GNB1: variants seen among roughly 807,000 people sequenced by gnomAD.
GNB1 encodes guanine nucleotide-binding protein G(I)/G(S)/G(T) subunit beta-1.
A neutral mutation model predicts 42.9 loss-of-function variants in GNB1; 2 were observed. The observed-to-expected ratio is 0.05, with a 90% CI of 0.02 to 0.15. The LOEUF is 0.15. GNB1 is among the 10% of genes least tolerant of loss of function. The pLI is 1.00. For missense variants in GNB1, 193 were observed against 462.2 expected (o/e 0.42, Z 5.34); for synonymous variants, 183 against 174.7 (o/e 1.05, Z -0.38).
intron 9 of GNB1, 79 bp from the exon 10 acceptor site, chr1:1,789,348 G>C (rs1354145357): frequency 3.1e-5 from 25 of 805,224 alleles, no homozygotes; most frequent in Non-Finnish European, 3.8e-5. Flanking sequence ...TCAATGGTAG[G>C]GCTGCAGAGA....
At chr1:1,850,217 G>A (rs1279938237) in intron 1 of GNB1, among the ~76,000 whole-genome samples, 2 of 151,454 alleles carry the variant, frequency 1.3e-5, no homozygotes, top group African/African-American at 4.9e-5. Flanking sequence ...CACAACCTCC[G>A]CCTCCCAGGT....
intron 1 of GNB1, among the ~76,000 whole-genome samples, chr1:1,876,513 G>C (rs905438514): frequency 1.3e-5 from 2 of 150,276 alleles, no homozygotes; most frequent in African/African-American, 2.4e-5. Flanking sequence ...GAGAGAGAGA[G>C]AGCGAGCGTG....
At chr1:1,866,626 T>A (rs1353604704) in intron 1 of GNB1, among the ~76,000 whole-genome samples, 2 of 113,800 alleles carry the variant, frequency 1.8e-5, no homozygotes, top group East Asian at 2.6e-4. Context: ...TAGTAATAGC[T>A]GATGAGCTTA....
chr1:1,867,777 T>C (rs1183680193), intron 1 of GNB1, among the ~76,000 whole-genome samples: 1 of 152,228 alleles, frequency 6.6e-6, no homozygotes, highest in Non-Finnish European at 1.5e-5. Flanking sequence ...TATCTTTTCA[T>C]AGCTTATAGC....
At chr1:1,844,745 A>G (rs546585540) in intron 1 of GNB1, among the ~76,000 whole-genome samples, 1 of 152,338 alleles carries the variant, frequency 6.6e-6, no homozygotes, top group Non-Finnish European at 1.5e-5. Flanking sequence ...CATTAGGCAG[A>G]CTTTCTCACA....
At chr1:1,838,914 T>C (rs1647186286) in intron 2 of GNB1, among the ~76,000 whole-genome samples, 1 of 152,180 alleles carries the variant, frequency 6.6e-6, no homozygotes, top group Non-Finnish European at 1.5e-5. Flanking sequence ...TCAAATTGTT[T>C]TGAAAACCAA....
chr1:1,844,946 C>G (rs1335046201), intron 1 of GNB1, among the ~76,000 whole-genome samples: 1 of 152,172 alleles, frequency 6.6e-6, no homozygotes, highest in Non-Finnish European at 1.5e-5. Context: ...AAAGTAAACT[C>G]CCTTCCAAAT....
At chr1:1,807,486 A>AC (rs1646716613) in intron 5 of GNB1, among the ~76,000 whole-genome samples, 1 of 147,560 alleles carries the variant, frequency 6.8e-6, no homozygotes, top group African/African-American at 2.5e-5. Flanking sequence ...AAAAAAAAAA[A>AC]AAAAAAACAA....
At position 1,788,782 on chromosome 1, in the gene GNB1, G is replaced by C. The variant is rs180910264; in HGVS notation, c.916+271C>G. ...TTCAGAGGGGAAAGCACGGGGCTGG[G>C]CCCTGGAGCCTGCACAGCTGACCCT... On this transcript the variant is annotated intron_variant, in intron 10 of 11. Transcript: ENST00000378609. 1,153 of 421,078 alleles carry C rather than the reference G, an allele frequency of 2.7e-3. 4 individuals are homozygous for C. The highest frequency in any genetic ancestry group is 0.012 in the African/African-American group (632 of 50,582). The allele number at this position is 421,078 out of a possible 1,614,324, so 26.1% of individuals were successfully genotyped here. A position where few individuals can be genotyped will look rare whatever the true frequency, so the allele number is the denominator to read the frequency against.
intron 1 of GNB1, among the ~76,000 whole-genome samples, chr1:1,845,824 T>TACAC (rs55953457): frequency 0.039 from 5,443 of 140,150 alleles, 184 homozygotes; most frequent in South Asian, 0.081. Flanking sequence ...TGTAAGTCCA[T>TACAC]ACACACACAC....
At chr1:1,887,777 G>A (rs1420923484) in intron 1 of GNB1, among the ~76,000 whole-genome samples, 4 of 152,002 alleles carry the variant, frequency 2.6e-5, no homozygotes, top group Admixed American at 1.3e-4. Flanking sequence ...CACCACGCCG[G>A]CTAATTTTAA....
chr1:1,867,333 A>C (rs375325718), intron 1 of GNB1, among the ~76,000 whole-genome samples: 1 of 152,202 alleles, frequency 6.6e-6, no homozygotes, highest in Non-Finnish European at 1.5e-5. Context: ...CTCAGGTTGG[A>C]CAAGCATGAC....
At chr1:1,856,031 C>T (rs1557931884) in intron 1 of GNB1, among the ~76,000 whole-genome samples, 2 of 152,310 alleles carry the variant, frequency 1.3e-5, no homozygotes, top group Non-Finnish European at 2.9e-5. Context: ...CTTTCTTCTT[C>T]TTCTTTAAGA....
At chr1:1,857,924 T>C (rs879891505) in intron 1 of GNB1, among the ~76,000 whole-genome samples, 1 of 152,168 alleles carries the variant, frequency 6.6e-6, no homozygotes, top group Non-Finnish European at 1.5e-5. Context: ...TATGGGAATG[T>C]GGTCTCTCTC....
intron 1 of GNB1, among the ~76,000 whole-genome samples, chr1:1,888,168 G>A (rs948554229): frequency 3.3e-5 from 5 of 152,142 alleles, no homozygotes; most frequent in Non-Finnish European, 7.3e-5. Context: ...ATAGCTTTTG[G>A]CCAGTGGATG....
chr1:1,856,223 C>T (rs1648290338), intron 1 of GNB1, among the ~76,000 whole-genome samples: 1 of 152,170 alleles, frequency 6.6e-6, no homozygotes, highest in South Asian at 2.1e-4. Context: ...GGTCTCGCTA[C>T]ATTGCCCAGG....
chr1:1,810,378 T>A (rs1646758932), intron 5 of GNB1, among the ~76,000 whole-genome samples: 1 of 151,712 alleles, frequency 6.6e-6, no homozygotes, highest in African/African-American at 2.4e-5. Flanking sequence ...AAAAAATATT[T>A]TTTAAAAATT....
rs768790682 is a variant in GNB1, at chr1:1,804,531, G to T, written c.318C>A (p.Ala106=). ...RSSWVMTCAY[A]PSGNYVACGG... ...CGCAGGCCACATAGTTCCCAGAAGGGGCATATGCACAGGTCATGACCCAGG... is the reference window on the plus strand; with the variant it reads ...CGCAGGCCACATAGTTCCCAGAAGGTGCATATGCACAGGTCATGACCCAGG... The change falls in exon 7 of 12, where the codon GCC becomes GCA. Residue 106 remains alanine (A), a synonymous_variant. Coordinates refer to ENST00000378609, the MANE Select transcript of GNB1 (RefSeq NM_002074.5). 3 of 1,613,596 alleles carry T rather than the reference G, an allele frequency of 1.9e-6. No individual in the cohort carries two copies. Among genetic ancestry groups the T allele is most frequent in the Non-Finnish European group, 1.7e-6 (2 of 1,179,630 alleles).
chr1:1,859,398 A>T (rs954800043), intron 1 of GNB1, among the ~76,000 whole-genome samples: 5 of 152,180 alleles, frequency 3.3e-5, no homozygotes, highest in South Asian at 4.1e-4. Context: ...AAGATTCAAC[A>T]AAGGGCTGGG....
Sources: gnomAD v4.1 joint callset for allele counts (sites outside exome capture counted in the v4.1 genomes callset) on GRCh38, gnomAD v4.1.1 for gene constraint, MANE v1.5 for transcripts, NCBI Gene and HGNC (gene_info 2026-07-23, HGNC 2026-07-21) for gene names.